ZNF536: variants seen among roughly 807,000 people sequenced by gnomAD.
ZNF536 encodes the protein zinc finger protein 536.
Under a neutral mutation model 84.5 loss-of-function variants are expected in ZNF536, and 13 were observed. The observed-to-expected ratio is 0.15, with a 90% CI of 0.10 to 0.24. The LOEUF is 0.24. Ranked by LOEUF, ZNF536 falls within the 10% of genes least tolerant of loss-of-function variation. The probability of loss-of-function intolerance (pLI) is 1.00; values close to 1 mark genes in which losing one functional copy is unlikely to be tolerated. For missense variants in ZNF536, 1,536 were observed against 1,747.5 expected (o/e 0.88, Z 2.16); for synonymous variants, 811 against 742.5 (o/e 1.09, Z -1.50).
At chr19:30,283,409 C>T (rs1049606577) in intron 1 of ZNF536, among the ~76,000 whole-genome samples, 2 of 152,084 alleles carry the variant, frequency 1.3e-5, no homozygotes, top group African/African-American at 4.8e-5. Flanking sequence ...CTGAGCATGC[C>T]GTAGGAGGTG....
intron 2 of ZNF536, among the ~76,000 whole-genome samples, chr19:30,505,258 ATACAT>A (rs976512729): frequency 3.4e-4 from 50 of 147,722 alleles, no homozygotes; most frequent in African/African-American, 1.2e-3. Context: ...TTAATATATA[ATACAT>A]TACATATTAT....
At chr19:30,301,747 A>G (rs1280757235) in intron 2 of ZNF536, among the ~76,000 whole-genome samples, 1 of 152,086 alleles carries the variant, frequency 6.6e-6, no homozygotes, top group Non-Finnish European at 1.5e-5. Context: ...TGCACTCTGC[A>G]TTTGGATTGA....
intron 2 of ZNF536, among the ~76,000 whole-genome samples, chr19:30,493,746 C>T (rs188378691): frequency 1.1e-4 from 16 of 152,270 alleles, no homozygotes; most frequent in East Asian, 3.9e-4. Context: ...AGGTCTCTCA[C>T]GTTCCACTTA....
In ZNF536 at chr19:30,241,442, T is replaced by A. The variant is rs1334536068; in HGVS notation, c.-190+12769T>A. On this transcript the variant is annotated intron_variant, in intron 1 of 5. Transcript: ENST00000585628. ...AGAATGGGAGTGGGGGTGGCTGTAA[T>A]GTCACACCAGTCGGGCAGGAAGCCT... is the stretch of plus-strand genomic sequence containing the variant. 2.0e-5 allele frequency among the ~76,000 whole-genome samples: 3 copies of A among 152,138 alleles called. No homozygotes were observed. The South Asian group carries it at 6.2e-4, about 32-fold the overall frequency.
chr19:30,600,663 C>G (rs986323130), intron 1 of ZNF536, among the ~76,000 whole-genome samples: 1 of 152,210 alleles, frequency 6.6e-6, no homozygotes, highest in Admixed American at 6.5e-5. Flanking sequence ...GAGGACATAG[C>G]CTGGCCAGCA....
chr19:30,575,124 C>CCATT (rs370451298), intron 1 of ZNF536, among the ~76,000 whole-genome samples: 5,808 of 152,158 alleles, frequency 0.038, 128 homozygotes, highest in South Asian at 0.059. Context: ...CAGAATTTAT[C>CCATT]CATTCATTCA....
chr19:30,689,807 T>C (rs932517949), intron 1 of ZNF536, among the ~76,000 whole-genome samples: 4 of 152,002 alleles, frequency 2.6e-5, no homozygotes, highest in Admixed American at 2.6e-4. Context: ...GCATTAATGG[T>C]GAAAATAAAG....
At chr19:30,312,019 G>C (rs1359856724) in intron 2 of ZNF536, among the ~76,000 whole-genome samples, 2 of 152,174 alleles carry the variant, frequency 1.3e-5, no homozygotes, top group African/African-American at 4.8e-5. Flanking sequence ...AGTGAGCTCT[G>C]ATCGCACCAC....
intron 1 of ZNF536, among the ~76,000 whole-genome samples, chr19:30,638,029 A>G (rs1010166369): frequency 1.1e-4 from 16 of 152,168 alleles, no homozygotes; most frequent in African/African-American, 3.1e-4. Flanking sequence ...ACCCAGAAGT[A>G]GTCGATGCAA....
At position 30,444,549 on chromosome 19, in the gene ZNF536, C is replaced by G. The variant is rs779729156; in HGVS notation, c.987C>G (p.Ala329=). The change falls in exon 2 of 5, where the codon GCC becomes GCG. Residue 329 remains alanine, a synonymous_variant. Coordinates refer to ENST00000355537, the MANE Select transcript of ZNF536 (RefSeq NM_014717.3). ...VEKAHITAES[A]QGQGPNGGGE... ...AGGCACACATCACGGCCGAGTCGGC[C>G]CAGGGCCAGGGCCCCAACGGCGGTG... The G allele has an allele frequency of 6.2e-7, 1 of 1,613,454 alleles. No homozygotes were observed. Among genetic ancestry groups the G allele is most frequent in the Non-Finnish European group, 8.5e-7 (1 of 1,179,932 alleles).
At chr19:30,713,051 G>A (rs1446257708) in exon 2 of ZNF536, 1 of 151,850 alleles carries the variant, frequency 6.6e-6, no homozygotes, top group Non-Finnish European at 1.5e-5. Flanking sequence ...GTATTTTTTT[G>A]TGTCTTTTCA....
intron 2 of ZNF536, among the ~76,000 whole-genome samples, chr19:30,466,378 CAAA>C (rs71173905): frequency 1.1e-4 from 15 of 136,168 alleles, no homozygotes; most frequent in African/African-American, 2.3e-4. Flanking sequence ...TCCATTGCTG[CAAA>C]AAAAAAAAAA....
intron 1 of ZNF536, among the ~76,000 whole-genome samples, chr19:30,441,676 A>C (rs569044586): frequency 7.2e-4 from 109 of 152,324 alleles, no homozygotes; most frequent in Non-Finnish European, 1.1e-3. Flanking sequence ...CCAGAAGCAA[A>C]AAGGAAAGAT....
chr19:30,248,723 G>A (rs771676259), intron 1 of ZNF536, among the ~76,000 whole-genome samples: 5 of 152,178 alleles, frequency 3.3e-5, no homozygotes, highest in Admixed American at 6.5e-5. Context: ...CATGTTATTA[G>A]TACTGTTCCA....
At chr19:30,551,892 C>T (rs2045797652) in intron 4 of ZNF536, among the ~76,000 whole-genome samples, 1 of 152,160 alleles carries the variant, frequency 6.6e-6, no homozygotes, top group Admixed American at 6.5e-5. Context: ...AGTTCTCATC[C>T]CACTCCCCCC....
At chr19:30,316,663 G>A (rs2046687999) in intron 2 of ZNF536, among the ~76,000 whole-genome samples, 1 of 152,124 alleles carries the variant, frequency 6.6e-6, no homozygotes, top group Non-Finnish European at 1.5e-5. Context: ...AGAGGGTGAG[G>A]CCTCATCCTG....
At chr19:30,617,543 G>T (rs947034166) in intron 1 of ZNF536, among the ~76,000 whole-genome samples, 1 of 150,876 alleles carries the variant, frequency 6.6e-6, no homozygotes, top group African/African-American at 2.4e-5. Flanking sequence ...GTAGAGACTG[G>T]GTTTCACTGT....
chr19:30,658,677 A>C (rs2050009400), intron 1 of ZNF536, among the ~76,000 whole-genome samples: 1 of 152,074 alleles, frequency 6.6e-6, no homozygotes, highest in Non-Finnish European at 1.5e-5. Context: ...TTAACTTCTT[A>C]GCAGTTATTA....
upstream of ZNF536, among the ~76,000 whole-genome samples, chr19:30,370,248 T>C (rs2048568323): frequency 6.6e-6 from 1 of 152,224 alleles, no homozygotes. Context: ...AGTGCTATAC[T>C]TTTTAGGGGA....
Sources: allele counts gnomAD v4.1 joint callset (sites outside exome capture counted in the v4.1 genomes callset), GRCh38; gene constraint gnomAD v4.1.1; transcripts MANE v1.5; gene names NCBI Gene and HGNC (gene_info 2026-07-23, HGNC 2026-07-21).